MS4A4A: variants seen among roughly 807,000 people sequenced by gnomAD.
MS4A4A encodes membrane spanning 4-domains A4A.
A neutral mutation model predicts 28.0 loss-of-function variants in MS4A4A; 26 were observed. That is an observed-to-expected ratio of 0.93 (90% CI 0.68 to 1.29). The LOEUF is 1.29. Ranked by LOEUF, MS4A4A falls within the 50% of genes most tolerant of loss-of-function variation. The probability of loss-of-function intolerance (pLI) is 0.00; values close to 1 mark genes in which losing one functional copy is unlikely to be tolerated. For missense variants in MS4A4A, 290 were observed against 293.1 expected (o/e 0.99, Z 0.08); for synonymous variants, 86 against 100.8 (o/e 0.85, Z 0.88).
chr11:60,292,440 A>G, intron 2 of MS4A4A, 56 bp downstream of exon 2: 1 of 1,491,300 alleles, frequency 6.7e-7, no homozygotes, highest in Non-Finnish European at 8.9e-7. Context: ...ATTTCATAAG[A>G]CCTAATGCCA....
chr11:60,289,424 G>A (rs1056867895), intron 1 of MS4A4A, among the ~76,000 whole-genome samples: 1 of 152,200 alleles, frequency 6.6e-6, no homozygotes, highest in Non-Finnish European at 1.5e-5. Context: ...GGGGGAAGGG[G>A]TGGTGGAAGA....
At chr11:60,304,734 G>C (rs1419446179) in intron 5 of MS4A4A, among the ~76,000 whole-genome samples, 1 of 152,232 alleles carries the variant, frequency 6.6e-6, no homozygotes, top group Non-Finnish European at 1.5e-5. Flanking sequence ...CAGCAGGTTT[G>C]AGTATGTGTG....
intron 3 of MS4A4A, among the ~76,000 whole-genome samples, chr11:60,298,784 T>C (rs149300279): frequency 3.3e-5 from 5 of 152,364 alleles, no homozygotes; most frequent in African/African-American, 9.6e-5. Flanking sequence ...ATTTGTCCGC[T>C]GAGACATCAC....
At chr11:60,297,809 A>G (rs901897475) in intron 3 of MS4A4A, among the ~76,000 whole-genome samples, 1 of 152,198 alleles carries the variant, frequency 6.6e-6, no homozygotes, top group Non-Finnish European at 1.5e-5. Context: ...TGGACTAATC[A>G]AGATTTACCT....
intron 1 of MS4A4A, among the ~76,000 whole-genome samples, chr11:60,284,127 C>A (rs1164302605): frequency 6.6e-6 from 1 of 152,196 alleles, no homozygotes; most frequent in Non-Finnish European, 1.5e-5. Context: ...GGAATTACAT[C>A]ACCTGGATTT....
Position 60,308,190 on chromosome 11 carries a change from G to C in MS4A4A, c.*12G>C, listed in dbSNP as rs763278962. Reference sequence around the variant, plus strand: ...TTAATGAGGTTTGAGGCCACCAAAAGATCAACAGACAAATGCTCCAGAAAT... The same window carrying C: ...TTAATGAGGTTTGAGGCCACCAAAACATCAACAGACAAATGCTCCAGAAAT... On this transcript the variant is annotated 3_prime_UTR_variant, in exon 7 of 7. Coordinates refer to ENST00000337908, the MANE Select transcript of MS4A4A (RefSeq NM_148975.3). 53 of 1,611,836 alleles carry C rather than the reference G, an allele frequency of 3.3e-5. No homozygotes were observed. Among genetic ancestry groups the C allele is most frequent in the Non-Finnish European group, 4.5e-5 (53 of 1,177,986 alleles).
chr11:60,289,282 C>T (rs1420289931), intron 1 of MS4A4A, among the ~76,000 whole-genome samples: 1 of 152,108 alleles, frequency 6.6e-6, no homozygotes, highest in Non-Finnish European at 1.5e-5. Context: ...AGCTCAGAGC[C>T]TGTGAAGACT....
In MS4A4A at chr11:60,308,446, T is replaced by G; in HGVS notation, c.*268T>G. On this transcript the variant is annotated 3_prime_UTR_variant, in exon 7 of 7. Transcript: ENST00000337908. ...AAGTTAAATTAATAAATAATGCATT[T>G]AATGAGGCAACAGCACTTGAAAGTT... 2 of 354,118 alleles carry G rather than the reference T, an allele frequency of 5.6e-6. No homozygotes were observed. Among genetic ancestry groups the G allele is most frequent in the Admixed American group, 4.5e-5 (1 of 22,308 alleles). The allele number at this position is 354,118 out of a possible 1,614,324, so 21.9% of individuals were successfully genotyped here. A position where few individuals can be genotyped will look rare whatever the true frequency, so the allele number is the denominator to read the frequency against.
At chr11:60,306,804 G>T (rs1295855808) in intron 6 of MS4A4A, among the ~76,000 whole-genome samples, 2 of 152,112 alleles carry the variant, frequency 1.3e-5, no homozygotes, top group Non-Finnish European at 2.9e-5. Flanking sequence ...CAATGAAGAG[G>T]TCCCCAAAAA....
chr11:60,308,733 C>T lies in MS4A4A; in HGVS notation c.*555C>T, dbSNP rs867132137. On this transcript the variant is annotated 3_prime_UTR_variant, in exon 7 of 7. Coordinates refer to ENST00000337908, the MANE Select transcript of MS4A4A (RefSeq NM_148975.3). ...CCCCATAGAAAGTACCTTGAAGTAG[C>T]ACAGCCCGTCCTTGCATGTGCACGA... The T allele has an allele frequency of 7.2e-5, 11 of 152,476 alleles. No homozygotes were observed. The highest frequency in any genetic ancestry group is 2.7e-4 in the African/African-American group (11 of 41,408). The allele number at this position is 152,476 out of a possible 1,614,324, so 9.4% of individuals were successfully genotyped here. A position where few individuals can be genotyped will look rare whatever the true frequency, so the allele number is the denominator to read the frequency against.
At chr11:60,281,785 A>G (rs1297239841) in intron 1 of MS4A4A, among the ~76,000 whole-genome samples, 1 of 152,050 alleles carries the variant, frequency 6.6e-6, no homozygotes, top group Non-Finnish European at 1.5e-5. Context: ...GGGTTTCCCC[A>G]CCTCTTTATC....
chr11:60,288,932 C>T (rs900036121), intron 1 of MS4A4A, among the ~76,000 whole-genome samples: 2 of 152,036 alleles, frequency 1.3e-5, no homozygotes, highest in African/African-American at 2.4e-5. Context: ...AGAGAGTGGG[C>T]CACAGTTTCA....
intron 1 of MS4A4A, among the ~76,000 whole-genome samples, chr11:60,282,213 CAG>C (rs2084760870): frequency 1.3e-5 from 2 of 152,228 alleles, no homozygotes; most frequent in South Asian, 4.2e-4. Context: ...ACAGTCTTAC[CAG>C]AGAGGCACTA....
chr11:60,291,806 AAAC>A (rs1346340698), intron 1 of MS4A4A, among the ~76,000 whole-genome samples: 1 of 151,540 alleles, frequency 6.6e-6, no homozygotes, highest in African/African-American at 2.4e-5. Context: ...CAAAAAAAAA[AAAC>A]AAAAAAACAA....
intron 2 of MS4A4A, among the ~76,000 whole-genome samples, chr11:60,293,552 G>A (rs556021218): frequency 6.8e-4 from 104 of 152,168 alleles, no homozygotes; most frequent in Non-Finnish European, 1.2e-3. Context: ...ATCACAATGG[G>A]GTTCATTCTC....
chr11:60,298,945 T>C (rs1199084868), intron 3 of MS4A4A, among the ~76,000 whole-genome samples: 1 of 152,204 alleles, frequency 6.6e-6, no homozygotes, highest in Non-Finnish European at 1.5e-5. Context: ...TAAGTACCAA[T>C]ACCAAGAACC....
At chr11:60,297,748 A>G (rs2084918851) in intron 3 of MS4A4A, among the ~76,000 whole-genome samples, 1 of 152,210 alleles carries the variant, frequency 6.6e-6, no homozygotes, top group African/African-American at 2.4e-5. Context: ...TTTCATATAC[A>G]TATTCCCAAA....
At chr11:60,290,533 T>C (rs1276257666) in intron 1 of MS4A4A, among the ~76,000 whole-genome samples, 7 of 152,096 alleles carry the variant, frequency 4.6e-5, no homozygotes, top group South Asian at 2.1e-4. Context: ...CATTCTTATA[T>C]ATAATTCCTT....
In MS4A4A at chr11:60,297,285, T is replaced by C. The variant is rs780526408; in HGVS notation, c.290T>C (p.Ile97Thr). The part of the protein sequence containing the change: ...MASNTYGSNP[I>T]SVYIGYTIWG... ...TCTAATACTTATGGAAGTAACCCTA[T>C]TTCCGTGTATATCGGGTACACAATT... The change falls in exon 3 of 7, where the codon ATT becomes ACT. Residue 97 changes from isoleucine (I) to threonine (T), a missense_variant. Ile to Thr is a moderately conservative substitution (Grantham distance 89). Transcript: ENST00000337908. The C allele has an allele frequency of 1.9e-6, 3 of 1,613,528 alleles. No individual in the cohort carries two copies. The highest frequency in any genetic ancestry group is 1.7e-6 in the Non-Finnish European group (2 of 1,179,522).
Sources: allele counts gnomAD v4.1 joint callset (sites outside exome capture counted in the v4.1 genomes callset), GRCh38; gene constraint gnomAD v4.1.1; transcripts MANE v1.5; gene names NCBI Gene and HGNC (gene_info 2026-07-23, HGNC 2026-07-21).